The following ELF2 variants were observed in gnomAD, a reference collection of about 807,000 sequenced individuals.
The protein encoded by ELF2 is E74 like ETS transcription factor 2.
A neutral mutation model predicts 54.8 loss-of-function variants in ELF2; 11 were observed. The observed-to-expected ratio is 0.20, with a 90% CI of 0.13 to 0.33. The LOEUF is 0.33. Among genes scored for constraint, ELF2 ranks in the 10% least tolerant of loss-of-function variants. ELF2 has a pLI of 1.00. For missense variants in ELF2, 513 were observed against 703.0 expected (o/e 0.73, Z 3.06); for synonymous variants, 203 against 245.1 (o/e 0.83, Z 1.61).
intron 4 of ELF2, chr4:139,115,457 C>A: frequency 2.1e-6 from 2 of 963,246 alleles, no homozygotes; most frequent in Non-Finnish European, 2.5e-6. Context: ...CTGGGGTTAG[C>A]TCGCCGCGGC....
At chr4:139,165,587 C>G (rs1250541825) in intron 1 of ELF2, among the ~76,000 whole-genome samples, 1 of 152,074 alleles carries the variant, frequency 6.6e-6, no homozygotes, top group Non-Finnish European at 1.5e-5. Context: ...CACTTGAATC[C>G]CAGAGGCAGA....
intron 6 of ELF2, among the ~76,000 whole-genome samples, chr4:139,070,448 G>A (rs921336420): frequency 6.6e-6 from 1 of 151,768 alleles, no homozygotes; most frequent in Admixed American, 6.6e-5. Flanking sequence ...GCAACACCAC[G>A]GCTGGCTAAG....
intron 4 of ELF2, chr4:139,084,118 T>C (rs775983875): frequency 2.5e-6 from 4 of 1,613,218 alleles, no homozygotes; most frequent in South Asian, 2.2e-5. Flanking sequence ...GGGAGAAAAG[T>C]TCCCCTGTCC....
chr4:139,067,412 G>C (rs1728865756), intron 7 of ELF2: 1 of 377,632 alleles, frequency 2.6e-6, no homozygotes, highest in Admixed American at 3.7e-5. Context: ...TTCTTAAGGA[G>C]GATATGTATC....
At chr4:139,104,226 T>C (rs1231536867) in intron 4 of ELF2, among the ~76,000 whole-genome samples, 2 of 152,164 alleles carry the variant, frequency 1.3e-5, no homozygotes, top group Non-Finnish European at 1.5e-5. Context: ...TACAGGAATG[T>C]TGGCTGGGCA....
chr4:139,162,270 G>C (rs1490527533), intron 1 of ELF2, among the ~76,000 whole-genome samples: 3 of 152,082 alleles, frequency 2.0e-5, no homozygotes, highest in Non-Finnish European at 4.4e-5. Flanking sequence ...TGAAATCCCA[G>C]CACTTTGGGA....
chr4:139,151,774 T>G (rs1193992913), intron 1 of ELF2, among the ~76,000 whole-genome samples: 2 of 152,232 alleles, frequency 1.3e-5, no homozygotes, highest in African/African-American at 4.8e-5. Context: ...AAGTTTGTCA[T>G]GAAAACTGAA....
intron 4 of ELF2, among the ~76,000 whole-genome samples, chr4:139,093,659 G>T (rs867828782): frequency 6.6e-6 from 1 of 152,006 alleles, no homozygotes; most frequent in Non-Finnish European, 1.5e-5. Context: ...GAGTAAAAGA[G>T]AAAAATGACT....
chr4:139,063,032 C>T (rs564108305), intron 7 of ELF2, among the ~76,000 whole-genome samples: 7 of 152,020 alleles, frequency 4.6e-5, no homozygotes, highest in African/African-American at 7.3e-5. Context: ...AGGAGGCGGG[C>T]ATATCACGTG....
At chr4:139,137,489 A>G in intron 3 of ELF2, 141 bp downstream of exon 3, 1 of 810,666 alleles carries the variant, frequency 1.2e-6, no homozygotes, top group Non-Finnish European at 2.0e-6. Flanking sequence ...CCTAAATTAT[A>G]TAAGGATACA....
intron 4 of ELF2, among the ~76,000 whole-genome samples, chr4:139,105,930 C>T (rs1223182980): frequency 6.6e-6 from 1 of 152,174 alleles, no homozygotes; most frequent in Non-Finnish European, 1.5e-5. Flanking sequence ...AGCCTTATCA[C>T]CTAGGGACTT....
chr4:139,115,469 AGGGCAGCGGCGG>A (rs1578839720), intron 4 of ELF2: 1 of 904,810 alleles, frequency 1.1e-6, no homozygotes, highest in Non-Finnish European at 1.3e-6. Flanking sequence ...CGCCGCGGCG[AGGGCAGCGGCGG>A]GGGTGCCCGA....
chr4:139,138,420 A>AC (rs200739587), intron 2 of ELF2, among the ~76,000 whole-genome samples: 14,066 of 152,140 alleles, frequency 0.092, 914 homozygotes, highest in African/African-American at 0.18. Flanking sequence ...CACCTCAAAA[A>AC]AAAAAAAAAG....
chr4:139,066,649 G>T (rs866520039), intron 7 of ELF2: 1 of 151,764 alleles, frequency 6.6e-6, no homozygotes, highest in African/African-American at 2.4e-5. Context: ...CACTCTGGGA[G>T]TGTGAGGCCG....
chr4:139,081,091 T>C (rs1187561795), intron 4 of ELF2, among the ~76,000 whole-genome samples: 1 of 152,166 alleles, frequency 6.6e-6, no homozygotes, highest in Non-Finnish European at 1.5e-5. Flanking sequence ...GTTAAGTCAC[T>C]AGCTAGTTTA....
At chr4:139,119,784 A>G (rs994826912) in intron 4 of ELF2, among the ~76,000 whole-genome samples, 1 of 151,330 alleles carries the variant, frequency 6.6e-6, no homozygotes, top group Non-Finnish European at 1.5e-5. Flanking sequence ...TGTTTATCTG[A>G]TTGTTTGTTT....
chr4:139,092,405 A>AACAT (rs1560800676), intron 4 of ELF2, among the ~76,000 whole-genome samples: 8 of 81,248 alleles, frequency 9.8e-5, no homozygotes, highest in African/African-American at 4.0e-4. Context: ...AACATAACAT[A>AACAT]ACATAACATA....
At chr4:139,085,537 C>T (rs1415053200) in intron 4 of ELF2, among the ~76,000 whole-genome samples, 1 of 152,174 alleles carries the variant, frequency 6.6e-6, no homozygotes, top group East Asian at 1.9e-4. Context: ...AGTGCAGCAT[C>T]AGAATGGATT....
intron 1 of ELF2, among the ~76,000 whole-genome samples, chr4:139,175,061 T>C (rs1024057895): frequency 5.9e-5 from 9 of 152,284 alleles, no homozygotes; most frequent in African/African-American, 1.7e-4. Flanking sequence ...GAGTAATTTT[T>C]TAAAAAATTA....
Sources: gnomAD v4.1 joint callset for allele counts (sites outside exome capture counted in the v4.1 genomes callset) on GRCh38, gnomAD v4.1.1 for gene constraint, MANE v1.5 for transcripts, NCBI Gene and HGNC (gene_info 2026-07-23, HGNC 2026-07-21) for gene names.